PFAS: variants seen among roughly 807,000 people sequenced by gnomAD.
The protein encoded by PFAS is FGAM synthase.
A neutral mutation model predicts 140.6 loss-of-function variants in PFAS; 97 were observed. The ratio of observed to expected loss-of-function variants is 0.69; its 90% confidence interval spans 0.59 to 0.82. PFAS has a LOEUF of 0.82. PFAS is among the 40% of genes least tolerant of loss of function. The pLI, the probability that PFAS is intolerant of heterozygous loss-of-function variation, is 0.00. For missense variants in PFAS, 1,656 were observed against 1,780.2 expected (o/e 0.93, Z 1.26); for synonymous variants, 679 against 718.8 (o/e 0.94, Z 0.88).
In PFAS at chr17:8,265,313, T is replaced by G; in HGVS notation, c.2306T>G (p.Met769Arg). ...LRDVKCSGNW[M>R]WAAKLPGEGA... ...GATGTGAAGTGTAGCGGGAACTGGA[T>G]GTGGGCAGCCAAGCTCCCAGGGGAG... The change falls in exon 19 of 28, where the codon ATG becomes AGG. Residue 769 changes from methionine (M) to arginine (R), a missense_variant. Transcript: ENST00000314666. 6.2e-7 allele frequency: 1 copy of G among 1,614,044 alleles called. No individual in the cohort carries two copies. The highest frequency in any genetic ancestry group is 8.5e-7 in the Non-Finnish European group (1 of 1,179,978).
chr17:8,265,378 G>A lies in PFAS; in HGVS notation c.2371G>A (p.Val791Met), dbSNP rs1308331811. ...LADACEAMVA[V>M]MAALGVAVDG... ...GGATGCCTGTGAGGCTATGGTGGCAGTGATGGCAGCCCTGGGTGTGGCAGT... is the reference window on the plus strand; with the variant it reads ...GGATGCCTGTGAGGCTATGGTGGCAATGATGGCAGCCCTGGGTGTGGCAGT... Residue 791 changes from valine (V) to methionine (M), a missense_variant, in exon 19 of 28, where the codon GTG (valine) becomes ATG (methionine). By Grantham distance (21) the Val-to-Met change is conservative. Coordinates refer to ENST00000314666, the MANE Select transcript of PFAS (RefSeq NM_012393.3). 1 of 1,614,084 alleles carries A rather than the reference G, an allele frequency of 6.2e-7. No homozygotes were observed. Among genetic ancestry groups the A allele is most frequent in the African/African-American group, 1.3e-5 (1 of 74,934 alleles).
At chr17:8,253,231 A>G (rs1989228125) in intron 1 of PFAS, among the ~76,000 whole-genome samples, 1 of 152,150 alleles carries the variant, frequency 6.6e-6, no homozygotes, top group African/African-American at 2.4e-5. Context: ...CCCCAATAAA[A>G]TATAAACCCT....
chr17:8,251,959 C>T (rs1989171443), intron 1 of PFAS, among the ~76,000 whole-genome samples: 1 of 152,052 alleles, frequency 6.6e-6, no homozygotes, highest in Admixed American at 6.5e-5. Context: ...AGATGTGAGC[C>T]ACCATGCCCA....
rs1989195987 is a variant in PFAS, at chr17:8,252,493, T to G, written c.-79-1366T>G. Among the ~76,000 whole-genome samples, 4 of 150,186 alleles carry G rather than the reference T, an allele frequency of 2.7e-5. No individual in the cohort carries two copies. The South Asian group carries it at 8.5e-4, about 32-fold the overall frequency. On this transcript the variant is annotated intron_variant, in intron 1 of 27. Transcript: ENST00000314666. The stretch of plus-strand genomic sequence containing the variant: ...ATCTCAGCTCACTGCAACTTCCGCC[T>G]CCCGGGTTCGAGTGATTCTCCTGCC...
At chr17:8,259,195 G>A (rs981621796) in intron 11 of PFAS, among the ~76,000 whole-genome samples, 12 of 150,348 alleles carry the variant, frequency 8.0e-5, no homozygotes, top group Admixed American at 3.3e-4. Flanking sequence ...ATGGCATACC[G>A]TTTTTAGGTA....
Position 8,255,899 on chromosome 17 carries a change from G to T in PFAS, c.669G>T (p.Ala223=), listed in dbSNP as rs750519146. The T allele has an allele frequency of 6.2e-7, 1 of 1,612,320 alleles. No homozygotes were observed. Among genetic ancestry groups the T allele is most frequent in the South Asian group, 1.1e-5 (1 of 91,032 alleles). ...NPSTVEAFDL[A]QSNSEHSRHW... ...GCACTGTGGAGGCCTTTGACTTGGCGCAGTCCAATAGGTGAGGAGAAATGG... is the reference window on the plus strand; with the variant it reads ...GCACTGTGGAGGCCTTTGACTTGGCTCAGTCCAATAGGTGAGGAGAAATGG... Residue 223 remains alanine, a synonymous_variant, in exon 6 of 28, where the codon GCG becomes GCT. Coordinates refer to ENST00000314666, the MANE Select transcript of PFAS (RefSeq NM_012393.3).
intron 1 of PFAS, among the ~76,000 whole-genome samples, chr17:8,252,046 C>T (rs1013451488): frequency 2.3e-4 from 35 of 152,014 alleles, no homozygotes; most frequent in African/African-American, 8.2e-4. Flanking sequence ...GTAATCCCAA[C>T]GCTTTGGGAG....
chr17:8,249,009 C>G (rs997724494), upstream of PFAS, among the ~76,000 whole-genome samples: 20 of 152,206 alleles, frequency 1.3e-4, no homozygotes, highest in Non-Finnish European at 2.9e-5. Context: ...CAGAGAAGGG[C>G]TTCCTCGTAA....
In PFAS at chr17:8,265,538, C is replaced by G; in HGVS notation, c.2462-18C>G. 1 of 1,613,580 alleles carries G rather than the reference C, an allele frequency of 6.2e-7. No homozygotes were observed. Among genetic ancestry groups the G allele is most frequent in the Non-Finnish European group, 8.5e-7 (1 of 1,179,466 alleles). On this transcript the variant is annotated intron_variant, in intron 19 of 27. Transcript: ENST00000314666. ...TGGGTTGGCAACTCATTCCTTTGGACTCCTCCTTGCTCTACAGGGTCACTG... is the reference window on the plus strand; with the variant it reads ...TGGGTTGGCAACTCATTCCTTTGGAGTCCTCCTTGCTCTACAGGGTCACTG...
rs1989864792 is a variant in PFAS, at chr17:8,267,446, C to T, written c.3250C>T (p.His1084Tyr). The change falls in exon 25 of 28, where the codon CAC becomes TAC. Residue 1084 changes from histidine (H) to tyrosine (Y), a missense_variant. His to Tyr is a moderately conservative substitution (Grantham distance 83, BLOSUM62 2). Around this residue, in one of 2 missense-constraint regions of PFAS, gnomAD observed 883 missense variants for 1,023.0 expected, o/e 0.86. Transcript: ENST00000314666. This position sits in a 1 kb window ranked among gnomAD's most constrained non-coding sequence, Gnocchi z 4.9. ...AGACCGGGAGATGGCCGATGCCTTC[C>T]ACTTAGCTGGGTTTGAGGTGAGCAG... is the stretch of plus-strand genomic sequence containing the variant. ...NGDREMADAF[H>Y]LAGFEVWDVT... 6.2e-7 allele frequency: 1 copy of T among 1,613,942 alleles called. No homozygotes were observed. The highest frequency in any genetic ancestry group is 8.5e-7 in the Non-Finnish European group (1 of 1,179,946).
Position 8,269,294 on chromosome 17 carries a change from G to T in PFAS, c.*30G>T, listed in dbSNP as rs1319216119. 1.3e-6 allele frequency: 2 copies of T among 1,540,010 alleles called. No individual in the cohort carries two copies. The highest frequency in any genetic ancestry group is 1.7e-4 in the Middle Eastern group (1 of 5,754). On this transcript the variant is annotated 3_prime_UTR_variant, in exon 28 of 28. Transcript: ENST00000314666. ...CCACAGGGGCTCACCTGGGCCCCAT[G>T]GCTTTTCACCTAAGTGGGTCCTGCC...
intron 6 of PFAS, 128 bp from the exon 7 acceptor site, chr17:8,256,139 A>G (rs1489505720): frequency 3.7e-5 from 35 of 955,940 alleles, no homozygotes; most frequent in African/African-American, 2.2e-4. Context: ...TTTTTGGAAT[A>G]TATTTTGATC....
At position 8,270,416 on chromosome 17, in the gene PFAS, T is replaced by C. The variant is rs1989972532; in HGVS notation, c.*1152T>C. ...GCATTTGGTATGTATCTGAATTAAT[T>C]CTCACTAAAATTCAGCAAAGGACTT... On this transcript the variant is annotated 3_prime_UTR_variant, in exon 28 of 28. Coordinates refer to ENST00000314666, the MANE Select transcript of PFAS (RefSeq NM_012393.3). 2 of 152,210 alleles carry C rather than the reference T, an allele frequency of 1.3e-5. 1 individual carries two copies. Among genetic ancestry groups the C allele is most frequent in the South Asian group, 4.1e-4 (2 of 4,824 alleles). 9.4% of individuals were successfully genotyped at this position (152,210 alleles called of 1,614,324 possible). A position where few individuals can be genotyped will look rare whatever the true frequency, so the allele number is the denominator to read the frequency against.
intron 3 of PFAS, 115 bp downstream of exon 3, chr17:8,254,416 C>G: frequency 8.3e-7 from 1 of 1,197,762 alleles, no homozygotes; most frequent in Non-Finnish European, 1.2e-6. Flanking sequence ...GGAAACCACA[C>G]ATGTGCTTTC....
intron 14 of PFAS, 23 bp downstream of exon 14, chr17:8,263,659 T>C (rs369828426): frequency 6.1e-5 from 99 of 1,611,362 alleles, no homozygotes; most frequent in Non-Finnish European, 8.0e-5. Context: ...CCCTGAAGTG[T>C]GACATTTTCC....
chr17:8,268,491 A>G (rs1989918049), intron 26 of PFAS, 42 bp from the exon 27 acceptor site: 1 of 1,456,338 alleles, frequency 6.9e-7, no homozygotes, highest in African/African-American at 1.4e-5. Flanking sequence ...CCCTTTTTTG[A>G]GGTCCTCCAT....
chr17:8,263,007 G>A lies in PFAS; in HGVS notation c.1410+14G>A, dbSNP rs1345727872. 3.7e-6 allele frequency: 6 copies of A among 1,613,048 alleles called. No individual in the cohort carries two copies. The highest frequency in any genetic ancestry group is 5.1e-6 in the Non-Finnish European group (6 of 1,179,094). On this transcript the variant is annotated intron_variant, in intron 12 of 27. Coordinates refer to ENST00000314666, the MANE Select transcript of PFAS (RefSeq NM_012393.3). ...TCATCTGTGCAGGTGAGTGGGAATT[G>A]CTAAAGGTGCAGAATCCTTGATATA...
In PFAS at chr17:8,264,492, C is replaced by T; in HGVS notation, c.1940C>T (p.Pro647Leu). Residue 647 changes from proline to leucine, a missense_variant, in exon 17 of 28, where the codon CCC becomes CTC. This residue lies in a region of PFAS where 883 missense variants were observed against 1,023.0 expected (regional missense o/e 0.86). Coordinates refer to ENST00000314666, the MANE Select transcript of PFAS (RefSeq NM_012393.3). ...CAGGAGTTCTTCCTGCAGAGGAAGC[C>T]CCCCATGCTGCAGCCTCTGGCCTTG... ...PRKEFFLQRK[P>L]PMLQPLALPP... is the part of the protein sequence containing the mutation. The T allele has an allele frequency of 6.2e-7, 1 of 1,613,754 alleles. No individual in the cohort carries two copies. The highest frequency in any genetic ancestry group is 8.5e-7 in the Non-Finnish European group (1 of 1,179,910).
In PFAS at chr17:8,256,854, T is replaced by A. The variant is rs1445182426; in HGVS notation, c.966T>A (p.Gly322=). The A allele has an allele frequency of 6.2e-7, 1 of 1,609,476 alleles. No individual in the cohort carries two copies. The highest frequency in any genetic ancestry group is 2.2e-5 in the East Asian group (1 of 44,900). The change falls in exon 9 of 28, where the codon GGT becomes GGA. Residue 322 remains glycine, a synonymous_variant. Transcript: ENST00000314666. ...NFPTGVCPFS[G]ATTGTGGRIR... ...TTGCAGGAGTATGCCCCTTTAGTGG[T>A]GCAACCACTGGCACAGGGGGCCGGA...
Sources: allele counts gnomAD v4.1 joint callset (sites outside exome capture counted in the v4.1 genomes callset), GRCh38; gene constraint gnomAD v4.1.1; regional missense constraint gnomAD v4.1.1; non-coding constraint Gnocchi (gnomAD v3.1); transcripts MANE v1.5; gene names NCBI Gene and HGNC (gene_info 2026-07-23, HGNC 2026-07-21).